Variants in ARMC3 observed in about 807,000 individuals in gnomAD.
ARMC3 encodes the protein armadillo repeat-containing protein 3.
In ARMC3, 74 loss-of-function variants were observed where a neutral mutation model predicts 90.3. The observed-to-expected ratio is 0.82, with a 90% CI of 0.68 to 0.99. ARMC3 has a LOEUF of 0.99. Ranked by LOEUF, ARMC3 falls within the 50% of genes least tolerant of loss-of-function variation. ARMC3 has a pLI of 0.00. For missense variants in ARMC3, 958 were observed against 1,042.8 expected (o/e 0.92, Z 1.12); for synonymous variants, 334 against 361.8 (o/e 0.92, Z 0.87).
chr10:22,932,733 G>A (rs774138811), intron 2 of ARMC3, among the ~76,000 whole-genome samples: 1 of 152,220 alleles, frequency 6.6e-6, no homozygotes, highest in African/African-American at 2.4e-5. Flanking sequence ...AAAGAAATAA[G>A]TGGAGTCCAC....
chr10:22,928,770 T>C (rs7067598), intron 1 of ARMC3, among the ~76,000 whole-genome samples: 62,593 of 152,144 alleles, frequency 0.41, 16,172 homozygotes, highest in African/African-American at 0.73. Context: ...ATATTTGTAA[T>C]GGCATGTTAT....
intron 8 of ARMC3, among the ~76,000 whole-genome samples, chr10:22,971,830 C>T (rs781597025): frequency 3.9e-5 from 6 of 152,118 alleles, no homozygotes; most frequent in Non-Finnish European, 8.8e-5. Context: ...ACAAGAGTTC[C>T]AATTTCTCCA....
intron 16 of ARMC3, among the ~76,000 whole-genome samples, chr10:23,016,805 C>T (rs1373363729): frequency 6.6e-6 from 1 of 152,182 alleles, no homozygotes; most frequent in African/African-American, 2.4e-5. Flanking sequence ...CTCCTTCATG[C>T]CAAATGACTC....
rs1838899025 is a variant in ARMC3, at chr10:23,030,811, T to C, written c.2246+15T>C. The C allele has an allele frequency of 6.2e-7, 1 of 1,604,554 alleles. No homozygotes were observed. Among genetic ancestry groups the C allele is most frequent in the African/African-American group, 1.3e-5 (1 of 74,352 alleles). ...GATCTGGCAAAGTAAGTTGTCTATG[T>C]ATATATGTGTTTTTAATTTCTGAAA... On this transcript the variant is annotated intron_variant, in intron 17 of 18. Transcript: ENST00000298032.
Position 22,955,880 on chromosome 10 carries a change from C to CA in ARMC3, c.244dup (p.Ile82AsnfsTer16). Reference sequence around the variant, plus strand: ...TAACTAAGCTACTCACCCATGAAGACAAAATTGTAAGAAGAAATGCTACTA... The same window carrying CA: ...TAACTAAGCTACTCACCCATGAAGACAAAAATTGTAAGAAGAAATGCTACTA... On this transcript the variant is annotated frameshift_variant, in exon 4 of 19. Coordinates refer to ENST00000298032, the MANE Select transcript of ARMC3 (RefSeq NM_173081.5). LOFTEE classifies it high-confidence loss of function. The CA allele has an allele frequency of 6.2e-7, 1 of 1,612,452 alleles. No homozygotes were observed.
At chr10:22,995,600 A>G (rs1221169281) in intron 10 of ARMC3, among the ~76,000 whole-genome samples, 1 of 152,238 alleles carries the variant, frequency 6.6e-6, no homozygotes, top group Non-Finnish European at 1.5e-5. Context: ...AGCAAAGAAA[A>G]GAGCAGAAGG....
chr10:22,956,227 T>C (rs1834931148), intron 4 of ARMC3, among the ~76,000 whole-genome samples: 1 of 152,240 alleles, frequency 6.6e-6, no homozygotes, highest in South Asian at 2.1e-4. Context: ...CTTGAGTTAG[T>C]GTAATGTAAT....
chr10:23,030,503 T>G, intron 16 of ARMC3, 93 bp from the exon 17 acceptor site: 1 of 1,505,124 alleles, frequency 6.6e-7, no homozygotes, highest in Non-Finnish European at 8.9e-7. Context: ...CACTGTACCT[T>G]TTTTCTGTGA....
chr10:23,008,438 G>A (rs1837741156), intron 15 of ARMC3, 64 bp downstream of exon 15: 2 of 933,548 alleles, frequency 2.1e-6, no homozygotes, highest in East Asian at 5.5e-5. Context: ...GTGAAAAAAT[G>A]TTTTAGATTT....
intron 16 of ARMC3, among the ~76,000 whole-genome samples, chr10:23,029,113 A>C (rs543939415): frequency 6.6e-6 from 1 of 152,344 alleles, no homozygotes; most frequent in South Asian, 2.1e-4. Context: ...TTATGGGCTT[A>C]GAATGCACAA....
chr10:22,989,905 G>A (rs769876223), intron 10 of ARMC3, among the ~76,000 whole-genome samples: 8 of 152,220 alleles, frequency 5.3e-5, no homozygotes, highest in Admixed American at 1.3e-4. Flanking sequence ...AATAGAACAA[G>A]TGGATTCCCT....
Position 22,932,025 on chromosome 10 carries a change from A to T in ARMC3, c.29A>T (p.Glu10Val), listed in dbSNP as rs781128825. The T allele has an allele frequency of 6.2e-7, 1 of 1,604,460 alleles. No homozygotes were observed. The highest frequency in any genetic ancestry group is 1.3e-5 in the African/African-American group (1 of 74,386). MGKKIKKEV[E>V]PPPKDVFDPL... ...GGTAAAAAGATAAAGAAGGAAGTAG[A>T]GCCTCCTCCTAAGGATGTGGTAAGT... Residue 10 changes from glutamate (E) to valine (V), a missense_variant, in exon 2 of 19, where the codon GAG becomes GTG. Physicochemically the swap from Glu to Val is moderately radical, Grantham distance 121. Coordinates refer to ENST00000298032, the MANE Select transcript of ARMC3 (RefSeq NM_173081.5).
At chr10:23,004,334 A>C (rs1837471797) in intron 13 of ARMC3, among the ~76,000 whole-genome samples, 1 of 152,196 alleles carries the variant, frequency 6.6e-6, no homozygotes, top group African/African-American at 2.4e-5. Flanking sequence ...CATTTTAAGC[A>C]AAACTAGGAA....
chr10:23,032,862 T>C lies in ARMC3; in HGVS notation c.2248T>C (p.Tyr750His), dbSNP rs1423865407. ...TTGATCTCAATGTAATTGACACAGG[T>C]ATGTAGCAGAAAAAATGGGTGGTAA... ...IKEQIEDLAK[Y>H]VAEKMGGKIP... Residue 750 changes from tyrosine (Y) to histidine (H), a missense_variant and splice_region_variant, in exon 18 of 19, where the codon TAT becomes CAT. Physicochemically the swap from Tyr to His is moderately conservative, Grantham distance 83. Coordinates refer to ENST00000298032, the MANE Select transcript of ARMC3 (RefSeq NM_173081.5). 1.2e-6 allele frequency: 2 copies of C among 1,611,148 alleles called. No individual in the cohort carries two copies. Among genetic ancestry groups the C allele is most frequent in the Non-Finnish European group, 1.7e-6 (2 of 1,178,828 alleles).
At chr10:22,980,175 C>T (rs1385074886) in intron 8 of ARMC3, among the ~76,000 whole-genome samples, 1 of 151,992 alleles carries the variant, frequency 6.6e-6, no homozygotes, top group Non-Finnish European at 1.5e-5. Flanking sequence ...AATATTGTAA[C>T]CTAAATTATT....
At chr10:22,962,428 T>C (rs1380462819) in intron 7 of ARMC3, among the ~76,000 whole-genome samples, 2 of 152,212 alleles carry the variant, frequency 1.3e-5, no homozygotes, top group African/African-American at 4.8e-5. Flanking sequence ...ATATTGGAGC[T>C]AAATGTCCAT....
intron 11 of ARMC3, among the ~76,000 whole-genome samples, chr10:22,999,543 A>G (rs1246185406): frequency 6.6e-6 from 1 of 152,246 alleles, no homozygotes; most frequent in African/African-American, 2.4e-5. Flanking sequence ...AAATAACAAA[A>G]CCAACGTTTA....
At chr10:22,944,418 C>T in intron 2 of ARMC3, among the ~76,000 whole-genome samples, 1 of 152,152 alleles carries the variant, frequency 6.6e-6, no homozygotes, top group Admixed American at 6.6e-5. Context: ...TGCCATCCAT[C>T]CCATTTTATC....
intron 2 of ARMC3, among the ~76,000 whole-genome samples, chr10:22,935,435 A>C (rs896638523): frequency 1.3e-5 from 2 of 152,232 alleles, no homozygotes; most frequent in African/African-American, 4.8e-5. Flanking sequence ...TTATCATTGA[A>C]GATCTATTGG....
Sources: gnomAD v4.1 joint callset for allele counts (sites outside exome capture counted in the v4.1 genomes callset) on GRCh38, gnomAD v4.1.1 for gene constraint, MANE v1.5 for transcripts, NCBI Gene and HGNC (gene_info 2026-07-23, HGNC 2026-07-21) for gene names.